CPXM2: variants seen among roughly 807,000 people sequenced by gnomAD.
CPXM2 encodes carboxypeptidase X, M14 family member 2.
In CPXM2, 66 loss-of-function variants were observed where a neutral mutation model predicts 86.1. The ratio of observed to expected loss-of-function variants is 0.77; its 90% CI spans 0.63 to 0.94. The LOEUF (loss-of-function observed/expected upper bound fraction) is 0.94, where lower values mean the gene tolerates loss of function less well. Among genes scored for constraint, CPXM2 ranks in the 40% least tolerant of loss-of-function variants. The pLI is 0.00. For synonymous variants in CPXM2, 388 were observed against 400.2 expected (o/e 0.97, Z 0.36); for missense variants, 948 against 1,026.3 (o/e 0.92, Z 1.04).
intron 4 of CPXM2, among the ~76,000 whole-genome samples, chr10:123,815,670 G>A (rs1847799332): frequency 6.6e-6 from 1 of 152,102 alleles, no homozygotes; most frequent in Non-Finnish European, 1.5e-5. Flanking sequence ...GCCAGGCAAG[G>A]TGATGTTGAT....
At chr10:123,892,588 C>T (rs1945293841), upstream of CPXM2, among the ~76,000 whole-genome samples, 1 of 152,240 alleles carries the variant, frequency 6.6e-6, no homozygotes. Context: ...GTTTCCCTTG[C>T]TGCTGTAACA....
intron 3 of CPXM2, among the ~76,000 whole-genome samples, chr10:123,858,022 A>T (rs1848776648): frequency 6.6e-6 from 1 of 151,558 alleles, no homozygotes; most frequent in African/African-American, 2.4e-5. Flanking sequence ...TAGACTCCAT[A>T]TTCACCCGTG....
intron 6 of CPXM2, among the ~76,000 whole-genome samples, chr10:123,793,919 C>G (rs1341597283): frequency 6.6e-6 from 1 of 152,244 alleles, no homozygotes; most frequent in East Asian, 1.9e-4. Context: ...ACCATCCTTT[C>G]TCCAATTTGT....
intron 12 of CPXM2, among the ~76,000 whole-genome samples, chr10:123,756,011 C>T (rs1449737801): frequency 6.6e-6 from 1 of 152,220 alleles, no homozygotes; most frequent in Non-Finnish European, 1.5e-5. Context: ...GCCAGAGCAG[C>T]TCACCGGGGG....
At chr10:123,876,589 C>T (rs1201733082) in intron 2 of CPXM2, among the ~76,000 whole-genome samples, 1 of 152,088 alleles carries the variant, frequency 6.6e-6, no homozygotes, top group Non-Finnish European at 1.5e-5. Context: ...TTTGTATGAT[C>T]TGTAAAATAA....
At chr10:123,824,350 T>C (rs1847999815) in intron 4 of CPXM2, among the ~76,000 whole-genome samples, 1 of 152,184 alleles carries the variant, frequency 6.6e-6, no homozygotes, top group African/African-American at 2.4e-5. Flanking sequence ...AAATATTGAC[T>C]TCTGTGAAAG....
At chr10:123,841,754 G>T (rs1336747515) in intron 4 of CPXM2, among the ~76,000 whole-genome samples, 6 of 152,194 alleles carry the variant, frequency 3.9e-5, no homozygotes, top group African/African-American at 1.4e-4. Flanking sequence ...GTTTTCAGGG[G>T]CTGCAGCCCA....
At chr10:123,905,825 G>A (rs976061235) in intron 2 of CPXM2, among the ~76,000 whole-genome samples, 2 of 151,804 alleles carry the variant, frequency 1.3e-5, no homozygotes, top group African/African-American at 2.4e-5. Context: ...CATCTCCTGC[G>A]TTCTGACTCC....
chr10:123,935,960 C>T (rs1945713857), intron 2 of CPXM2, among the ~76,000 whole-genome samples: 1 of 151,170 alleles, frequency 6.6e-6, no homozygotes, highest in African/African-American at 2.5e-5. Context: ...TCACCAGCAT[C>T]TTTACCATCA....
At chr10:123,813,958 C>G (rs555058812) in intron 4 of CPXM2, among the ~76,000 whole-genome samples, 1 of 152,258 alleles carries the variant, frequency 6.6e-6, no homozygotes, top group African/African-American at 2.4e-5. Flanking sequence ...TAAAGGTGCA[C>G]CTGACAGAAA....
At chr10:123,902,486 C>T (rs1945392833) in intron 2 of CPXM2, among the ~76,000 whole-genome samples, 2 of 148,640 alleles carry the variant, frequency 1.3e-5, no homozygotes, top group African/African-American at 5.1e-5. Context: ...TAACAGAATA[C>T]TATAGACGGG....
chr10:123,936,605 G>C (rs1488371713), intron 2 of CPXM2, among the ~76,000 whole-genome samples: 1 of 152,214 alleles, frequency 6.6e-6, no homozygotes, highest in African/African-American at 2.4e-5. Context: ...GCCTTGCAAA[G>C]GAATGAAGGT....
intron 2 of CPXM2, among the ~76,000 whole-genome samples, chr10:123,874,072 G>A (rs1367669030): frequency 2.0e-5 from 3 of 151,732 alleles, no homozygotes; most frequent in Admixed American, 6.6e-5. Flanking sequence ...ATTGCCCAGG[G>A]TGGTTGTCTC....
intron 4 of CPXM2, among the ~76,000 whole-genome samples, chr10:123,809,756 T>G (rs1393648505): frequency 6.6e-6 from 1 of 151,870 alleles, no homozygotes; most frequent in African/African-American, 2.4e-5. Context: ...AAGATATTTC[T>G]TTCAATTTTG....
At chr10:123,791,009 A>G (rs1273888198) in intron 6 of CPXM2, among the ~76,000 whole-genome samples, 3 of 152,146 alleles carry the variant, frequency 2.0e-5, no homozygotes, top group Non-Finnish European at 4.4e-5. Context: ...GGAGACAGTA[A>G]GTTAAAGCCA....
chr10:123,847,111 T>C (rs1279763557), intron 3 of CPXM2, among the ~76,000 whole-genome samples: 2 of 152,200 alleles, frequency 1.3e-5, no homozygotes, highest in African/African-American at 2.4e-5. Context: ...ATTGGAAAGA[T>C]GGAAGAGAGG....
At chr10:123,904,227 C>T (rs1174636553) in intron 2 of CPXM2, among the ~76,000 whole-genome samples, 1 of 152,212 alleles carries the variant, frequency 6.6e-6, no homozygotes, top group Non-Finnish European at 1.5e-5. Flanking sequence ...CTCTTCCTGC[C>T]TCTTTCCTGG....
intron 2 of CPXM2, among the ~76,000 whole-genome samples, chr10:123,922,777 G>A (rs1367577688): frequency 6.6e-6 from 1 of 152,206 alleles, no homozygotes; most frequent in East Asian, 1.9e-4. Flanking sequence ...GAATCCAAGA[G>A]GAATGGAAGA....
chr10:123,942,688 T>C (rs1478538549), upstream of CPXM2, among the ~76,000 whole-genome samples: 1 of 152,214 alleles, frequency 6.6e-6, no homozygotes, highest in Non-Finnish European at 1.5e-5. Flanking sequence ...GAAATAATTG[T>C]AAAAATAGCC....
Sources: gnomAD v4.1 joint callset for allele counts (sites outside exome capture counted in the v4.1 genomes callset) on GRCh38, gnomAD v4.1.1 for gene constraint, MANE v1.5 for transcripts, NCBI Gene and HGNC (gene_info 2026-07-23, HGNC 2026-07-21) for gene names.